The following CR1L variants were observed in gnomAD, a reference collection of about 807,000 sequenced individuals.
CR1L encodes complement component receptor 1-like protein.
CR1L carries 59 observed loss-of-function variants against 62.3 expected under a neutral mutation model. The observed-to-expected ratio is 0.95, with a 90% confidence interval of 0.77 to 1.18. The LOEUF (loss-of-function observed/expected upper bound fraction) is 1.18. CR1L is among the 50% of genes most tolerant of loss of function. The probability of loss-of-function intolerance (pLI) is 0.00; values close to 1 mark genes in which losing one functional copy is unlikely to be tolerated. For synonymous variants in CR1L, 279 were observed against 248.7 expected (o/e 1.12, Z -1.15); for missense variants, 700 against 702.8 (o/e 1.00, Z 0.04).
At chr1:207,690,221 T>C (rs1461488264) in intron 4 of CR1L, among the ~76,000 whole-genome samples, 1 of 152,176 alleles carries the variant, frequency 6.6e-6, no homozygotes, top group Non-Finnish European at 1.5e-5. Context: ...TTCTAATATA[T>C]ACATTTAACC....
chr1:207,701,288 A>C (rs1664186894), intron 8 of CR1L, among the ~76,000 whole-genome samples: 2 of 152,318 alleles, frequency 1.3e-5, no homozygotes, highest in Non-Finnish European at 2.9e-5. Flanking sequence ...AGGTCTCTAC[A>C]CAGATCTAAA....
intron 9 of CR1L, among the ~76,000 whole-genome samples, chr1:207,707,368 C>T (rs367618486): frequency 5.9e-5 from 9 of 152,208 alleles, no homozygotes; most frequent in Admixed American, 3.3e-4. Context: ...TGGCTCACGC[C>T]TGTAGTCCCA....
chr1:207,663,416 A>T (rs1168961526), intron 1 of CR1L, among the ~76,000 whole-genome samples: 2 of 152,038 alleles, frequency 1.3e-5, no homozygotes, highest in Non-Finnish European at 2.9e-5. Flanking sequence ...AATGAGCAAG[A>T]CTCCGTGGGC....
intron 9 of CR1L, among the ~76,000 whole-genome samples, chr1:207,707,630 A>AAAAC (rs1553245414): frequency 5.3e-5 from 8 of 152,182 alleles, no homozygotes; most frequent in East Asian, 1.9e-4. Flanking sequence ...TCCGTCTAAA[A>AAAAC]AAACAAACAA....
At chr1:207,645,857 G>A (rs1571637603) in intron 1 of CR1L, among the ~76,000 whole-genome samples, 1 of 152,190 alleles carries the variant, frequency 6.6e-6, no homozygotes, top group South Asian at 2.1e-4. Flanking sequence ...TGGGCGAGCA[G>A]GGGCCTGGCC....
At chr1:207,670,422 G>A (rs574324633) in intron 1 of CR1L, among the ~76,000 whole-genome samples, 1 of 151,080 alleles carries the variant, frequency 6.6e-6, no homozygotes, top group East Asian at 1.9e-4. Context: ...AAATTTTGAG[G>A]CCACATCTCT....
Position 207,668,726 on chromosome 1 carries a change from G to A in CR1L, c.98-8663G>A, listed in dbSNP as rs374811755. 9.7e-4 allele frequency among the ~76,000 whole-genome samples: 146 copies of A among 150,932 alleles called. 11 individuals carry two copies. Among genetic ancestry groups the A allele is most frequent in the African/African-American group, 3.4e-3 (137 of 40,330 alleles). On this transcript the variant is annotated intron_variant, in intron 1 of 11. Transcript: ENST00000508064. The stretch of plus-strand genomic sequence containing the variant: ...GAAGTAACCAAAATCCAATACATGA[G>A]CAACTGTTCATTCCATCTCCAATAT...
Position 207,693,425 on chromosome 1 carries a change from C to T in CR1L, c.464-928C>T, listed in dbSNP as rs143664324. 7.2e-5 allele frequency among the ~76,000 whole-genome samples: 11 copies of T among 152,314 alleles called. No homozygotes were observed. The East Asian group carries it at 1.7e-3, about 24-fold the overall frequency. The stretch of plus-strand genomic sequence containing the variant: ...GAGCCACCACGCCAGGCCTGTATAG[C>T]TTTTTGAATCTGTAATCTTGCATCA... On this transcript the variant is annotated intron_variant, in intron 4 of 11. Coordinates refer to ENST00000508064, the MANE Select transcript of CR1L (RefSeq NM_175710.2).
chr1:207,714,175 G>C (rs775276378), intron 10 of CR1L, among the ~76,000 whole-genome samples: 2 of 152,214 alleles, frequency 1.3e-5, no homozygotes, highest in East Asian at 1.9e-4. Context: ...GTGGACCCCA[G>C]ATGAAGTCAG....
chr1:207,701,612 C>CTA lies in CR1L; in HGVS notation c.1323_1324dup (p.Thr442IlefsTer25). On this transcript the variant is annotated frameshift_variant, in exon 9 of 12. Coordinates refer to ENST00000508064, the MANE Select transcript of CR1L (RefSeq NM_175710.2). LOFTEE classifies it high-confidence loss of function. The stretch of plus-strand genomic sequence containing the variant: ...GGATCCAGAATCAACTATTCTTGTA[C>CTA]TACAGGGTGAGTTGGCAGCAACATC... 6.2e-7 allele frequency: 1 copy of CTA among 1,613,740 alleles called. No homozygotes were observed. The highest frequency in any genetic ancestry group is 1.1e-5 in the South Asian group (1 of 91,084).
At chr1:207,715,067 T>C (rs1259293283) in intron 10 of CR1L, among the ~76,000 whole-genome samples, 1 of 152,210 alleles carries the variant, frequency 6.6e-6, no homozygotes, top group Non-Finnish European at 1.5e-5. Flanking sequence ...GCACTTCAGC[T>C]CTGATTGCTT....
intron 9 of CR1L, among the ~76,000 whole-genome samples, chr1:207,703,292 C>A (rs928071379): frequency 2.6e-5 from 4 of 152,186 alleles, no homozygotes; most frequent in African/African-American, 9.7e-5. Flanking sequence ...GATAGGCTGC[C>A]TTTTTAGGAG....
chr1:207,656,216 C>T (rs1239973674), intron 1 of CR1L, among the ~76,000 whole-genome samples: 1 of 151,916 alleles, frequency 6.6e-6, no homozygotes, highest in Admixed American at 6.5e-5. Context: ...CCAGCCTGGG[C>T]GACAGAGCGA....
intron 1 of CR1L, among the ~76,000 whole-genome samples, chr1:207,675,960 T>G (rs1663683893): frequency 6.6e-6 from 1 of 152,194 alleles, no homozygotes; most frequent in Admixed American, 6.5e-5. Context: ...GGCGACAGAC[T>G]TCCAACATTG....
At chr1:207,702,098 A>C (rs1664201554) in intron 9 of CR1L, among the ~76,000 whole-genome samples, 1 of 152,176 alleles carries the variant, frequency 6.6e-6, no homozygotes, top group Admixed American at 6.5e-5. Context: ...CAAGCATGTC[A>C]GTTGGCATCA....
At chr1:207,692,579 C>T (rs1355799887) in intron 4 of CR1L, among the ~76,000 whole-genome samples, 1 of 152,200 alleles carries the variant, frequency 6.6e-6, no homozygotes, top group African/African-American at 2.4e-5. Flanking sequence ...TCAGTCGCAG[C>T]ATGACTGCCT....
chr1:207,694,393 T>G lies in CR1L; in HGVS notation c.504T>G (p.Asp168Glu). ...CGLPPTIANG[D>E]FTSISREYFH... ...TACCCCCCACCATCGCCAATGGAGA[T>G]TTCACTAGCATCAGCAGAGAGTATT... Residue 168 changes from aspartate (D) to glutamate (E), a missense_variant, in exon 5 of 12, where the codon GAT becomes GAG. Transcript: ENST00000508064. 1 of 1,613,966 alleles carries G rather than the reference T, an allele frequency of 6.2e-7. No individual in the cohort carries two copies. Among genetic ancestry groups the G allele is most frequent in the Non-Finnish European group, 8.5e-7 (1 of 1,179,860 alleles).
intron 11 of CR1L, among the ~76,000 whole-genome samples, chr1:207,721,641 A>G (rs374153858): frequency 2.0e-4 from 29 of 147,572 alleles, no homozygotes; most frequent in East Asian, 6.1e-4. Flanking sequence ...GAATAATGCC[A>G]CAATAAACAT....
rs752963448 is a variant in CR1L at position 207,699,292 on chromosome 1, C to T, written c.1228+18C>T. 3.1e-6 allele frequency: 5 copies of T among 1,613,052 alleles called. No individual in the cohort carries two copies. The African/African-American group carries it at 5.3e-5, about 17-fold the overall frequency. ...GTGTGAACGTAAGTAATAGGAGTAACATTTCAGGCCAATCTCTCCCCTTCA... is the reference window on the plus strand; with the variant it reads ...GTGTGAACGTAAGTAATAGGAGTAATATTTCAGGCCAATCTCTCCCCTTCA... On this transcript the variant is annotated intron_variant, in intron 8 of 11. Transcript: ENST00000508064.
Sources: gnomAD v4.1 joint callset for allele counts (sites outside exome capture counted in the v4.1 genomes callset) on GRCh38, gnomAD v4.1.1 for gene constraint, MANE v1.5 for transcripts, NCBI Gene and HGNC (gene_info 2026-07-23, HGNC 2026-07-21) for gene names.